MEIS1: variants seen among roughly 807,000 people sequenced by gnomAD.
MEIS1 encodes the protein homeobox protein Meis1.
In MEIS1, 5 loss-of-function variants were observed where a neutral mutation model predicts 50.8. The observed-to-expected ratio is 0.10, with a 90% confidence interval of 0.05 to 0.21. The LOEUF is 0.21. Among genes scored for constraint, MEIS1 ranks in the 10% least tolerant of loss-of-function variants. The pLI, the probability that MEIS1 is intolerant of heterozygous loss-of-function variation, is 1.00. For missense variants in MEIS1, 318 were observed against 517.3 expected, an observed-to-expected ratio of 0.61 and a Z score of 3.74; for synonymous variants, 176 against 179.3, an observed-to-expected ratio of 0.98 and a Z score of 0.15.
intron 7 of MEIS1, among the ~76,000 whole-genome samples, chr2:66,493,805 A>T (rs982286674): frequency 6.6e-6 from 1 of 152,122 alleles, no homozygotes; most frequent in Non-Finnish European, 1.5e-5. Context: ...AAGCCAGCTT[A>T]AAAAAAGATG....
At chr2:66,556,954 T>G (rs1675082288) in intron 9 of MEIS1, among the ~76,000 whole-genome samples, 1 of 152,064 alleles carries the variant, frequency 6.6e-6, no homozygotes, top group African/African-American at 2.4e-5. Flanking sequence ...GCGGGGCACA[T>G]AAGAAGCATG....
intron 6 of MEIS1, among the ~76,000 whole-genome samples, chr2:66,455,675 C>T (rs1356239435): frequency 6.6e-6 from 1 of 152,080 alleles, no homozygotes; most frequent in Non-Finnish European, 1.5e-5. Context: ...TCCTAAGGTC[C>T]CCACCCTCAC....
intron 6 of MEIS1, chr2:66,443,808 TAA>T (rs1672060559): frequency 6.6e-6 from 1 of 152,626 alleles, no homozygotes; most frequent in African/African-American, 2.4e-5. Context: ...GCTCCCTGGG[TAA>T]GGAGTGTGGG....
At chr2:66,553,814 A>G (rs1035474354) in intron 9 of MEIS1, among the ~76,000 whole-genome samples, 1 of 152,218 alleles carries the variant, frequency 6.6e-6, no homozygotes, top group Non-Finnish European at 1.5e-5. Flanking sequence ...TCCCCACTGC[A>G]TAAAATCACA....
chr2:66,571,235 A>G lies in MEIS1; in HGVS notation c.*38-11A>G, dbSNP rs193115873. 6.4e-7 allele frequency: 1 copy of G among 1,561,766 alleles called. No individual in the cohort carries two copies. The highest frequency in any genetic ancestry group is 2.4e-5 in the East Asian group (1 of 42,506). ...TTTTCTTTTTGTTTCTTTCTTTTGA[A>G]TTTCTTACAGGGCTGCAAAGTATGC... On this transcript the variant is annotated splice_polypyrimidine_tract_variant and intron_variant, in intron 12 of 12. Transcript: ENST00000272369.
intron 7 of MEIS1, among the ~76,000 whole-genome samples, chr2:66,498,101 G>C (rs1047925479): frequency 6.6e-6 from 1 of 152,134 alleles, no homozygotes; most frequent in African/African-American, 2.4e-5. Flanking sequence ...GATGGGGAGA[G>C]GTGACAAGAG....
intron 7 of MEIS1, among the ~76,000 whole-genome samples, chr2:66,499,055 T>C (rs1244684611): frequency 6.6e-6 from 1 of 152,182 alleles, no homozygotes; most frequent in Non-Finnish European, 1.5e-5. Flanking sequence ...GAGTGGAAGG[T>C]GTGAGTGGCA....
chr2:66,513,092 A>C lies in MEIS1; in HGVS notation c.888+798A>C, dbSNP rs543443479. On this transcript the variant is annotated intron_variant, in intron 8 of 12. Coordinates refer to ENST00000272369, the MANE Select transcript of MEIS1 (RefSeq NM_002398.3). The stretch of plus-strand genomic sequence containing the variant: ...TTTTGGTGGATATTTTTGTAAGTGC[A>C]TACCAATTTAAAGAAGAAGATACAA... 3.3e-5 allele frequency among the ~76,000 whole-genome samples: 5 copies of C among 152,274 alleles called. No homozygotes were observed. In the South Asian group the frequency reaches 1.0e-3, roughly 32 times the overall value.
intron 7 of MEIS1, among the ~76,000 whole-genome samples, chr2:66,498,562 G>A (rs1673467389): frequency 6.6e-6 from 1 of 152,162 alleles, no homozygotes; most frequent in African/African-American, 2.4e-5. Context: ...ATCCTGGCTT[G>A]TTCTGATAGG....
chr2:66,524,071 G>A (rs1674190670), intron 8 of MEIS1, among the ~76,000 whole-genome samples: 1 of 152,152 alleles, frequency 6.6e-6, no homozygotes, highest in Non-Finnish European at 1.5e-5. Flanking sequence ...AATAAAATGA[G>A]GTTAAAGTTA....
intron 6 of MEIS1, among the ~76,000 whole-genome samples, chr2:66,454,294 TAG>T (rs1265106761): frequency 6.6e-6 from 1 of 152,118 alleles, no homozygotes; most frequent in Non-Finnish European, 1.5e-5. Context: ...TGTTGTTTTA[TAG>T]AGTATTTTAT....
intron 6 of MEIS1, among the ~76,000 whole-genome samples, chr2:66,463,834 C>G (rs1672575721): frequency 6.6e-6 from 1 of 152,220 alleles, no homozygotes; most frequent in Admixed American, 6.5e-5. Flanking sequence ...TTGTTTTCCT[C>G]TTTGCCTGGA....
chr2:66,437,514 G>A, intron 1 of MEIS1: 1 of 576,416 alleles, frequency 1.7e-6, no homozygotes, highest in Non-Finnish European at 3.1e-6. Flanking sequence ...CACAAGTTAG[G>A]GCAAGATCAT....
At chr2:66,523,710 C>A (rs1286871582) in intron 8 of MEIS1, among the ~76,000 whole-genome samples, 1 of 152,158 alleles carries the variant, frequency 6.6e-6, no homozygotes. Context: ...CATTATAATT[C>A]AGTTAATCTC....
chr2:66,527,769 GA>G (rs1180638557), intron 8 of MEIS1, among the ~76,000 whole-genome samples: 5 of 151,990 alleles, frequency 3.3e-5, no homozygotes, highest in African/African-American at 1.2e-4. Context: ...CACACTGCAG[GA>G]AAAAGCAACT....
At chr2:66,494,775 A>G (rs1023309208) in intron 7 of MEIS1, among the ~76,000 whole-genome samples, 4 of 152,116 alleles carry the variant, frequency 2.6e-5, no homozygotes, top group Non-Finnish European at 4.4e-5. Flanking sequence ...CCTTATCACC[A>G]TCACGTCTTT....
chr2:66,456,641 G>C (rs779092979), intron 6 of MEIS1, among the ~76,000 whole-genome samples: 31 of 152,328 alleles, frequency 2.0e-4, no homozygotes, highest in African/African-American at 7.2e-4. Flanking sequence ...ATTAAAAAAG[G>C]GTTCAACAAG....
At chr2:66,469,527 T>C (rs958730736) in intron 7 of MEIS1, among the ~76,000 whole-genome samples, 6 of 152,174 alleles carry the variant, frequency 3.9e-5, no homozygotes, top group Non-Finnish European at 8.8e-5. Flanking sequence ...CTCGCCTTTT[T>C]TACATGAAGA....
intron 6 of MEIS1, among the ~76,000 whole-genome samples, chr2:66,463,700 C>G (rs990463609): frequency 6.6e-5 from 10 of 152,260 alleles, no homozygotes; most frequent in African/African-American, 2.2e-4. Flanking sequence ...TAGGATGAAT[C>G]AGAGGCCCCT....
Sources: allele counts gnomAD v4.1 joint callset (sites outside exome capture counted in the v4.1 genomes callset), GRCh38; gene constraint gnomAD v4.1.1; transcripts MANE v1.5; gene names NCBI Gene and HGNC (gene_info 2026-07-23, HGNC 2026-07-21).